Variants in WWP2 observed in about 807,000 individuals in gnomAD.
WWP2 encodes the protein NEDD4-like E3 ubiquitin-protein ligase WWP2.
In WWP2, 57 loss-of-function variants were observed where a neutral mutation model predicts 121.0. That is an observed-to-expected ratio of 0.47 (90% CI 0.38 to 0.59). WWP2 has a LOEUF of 0.59. Ranked by LOEUF, WWP2 falls within the 20% of genes least tolerant of loss-of-function variation. The pLI is 0.00. For missense variants in WWP2, 962 were observed against 1,158.9 expected (o/e 0.83, Z 2.47); for synonymous variants, 449 against 441.3 (o/e 1.02, Z -0.22).
intron 9 of WWP2, among the ~76,000 whole-genome samples, chr16:69,916,815 G>T (rs2058485646): frequency 6.6e-6 from 1 of 152,104 alleles, no homozygotes; most frequent in Non-Finnish European, 1.5e-5. Flanking sequence ...ACTGACTGTG[G>T]GTCCTAGGAA....
In WWP2 at chr16:69,792,718, G is replaced by A. The variant is rs2055939320; in HGVS notation, c.70+5638G>A. Among the ~76,000 whole-genome samples, 3 of 152,236 alleles carry A rather than the reference G, an allele frequency of 2.0e-5. No homozygotes were observed. The South Asian group carries it at 6.2e-4, about 32-fold the overall frequency. On this transcript the variant is annotated intron_variant, in intron 2 of 23. Transcript: ENST00000359154. ...GTATTCTTCTTTCTTTTGAGTCAGG[G>A]TCTCACTCTGTCACCTAGGCTAGAG...
At position 69,787,040 on chromosome 16, in the gene WWP2, A is replaced by G; in HGVS notation, c.30A>G (p.Gly10=). The G allele has an allele frequency of 5.0e-6, 8 of 1,613,418 alleles. No individual in the cohort carries two copies. The highest frequency in any genetic ancestry group is 6.8e-6 in the Non-Finnish European group (8 of 1,179,744). MASASSSRA[G]VALPFEKSQL... The stretch of plus-strand genomic sequence containing the variant: ...CATCTGCCAGCTCTAGCCGGGCAGG[A>G]GTGGCCCTGCCTTTTGAGAAGTCTC... Residue 10 remains glycine (G), a synonymous_variant, in exon 2 of 24, where the codon GGA becomes GGG. Coordinates refer to ENST00000359154, the MANE Select transcript of WWP2 (RefSeq NM_001270454.2).
intron 6 of WWP2, among the ~76,000 whole-genome samples, chr16:69,857,754 C>G (rs13329693): frequency 0.025 from 3,714 of 150,830 alleles, 138 homozygotes; most frequent in African/African-American, 0.084. Flanking sequence ...CTCGACCTCC[C>G]AGGCTCAAGT....
rs116492386 is a variant in WWP2, at chr16:69,765,751, G to T, written c.-16+3360G>T. 5.6e-3 allele frequency among the ~76,000 whole-genome samples: 850 copies of T among 152,270 alleles called. 7 individuals carry two copies. The highest frequency in any genetic ancestry group is 0.019 in the African/African-American group (797 of 41,544). On this transcript the variant is annotated intron_variant, in intron 1 of 23. Coordinates refer to ENST00000359154, the MANE Select transcript of WWP2 (RefSeq NM_001270454.2). The stretch of plus-strand genomic sequence containing the variant: ...AGGCACGAGAATTGCTTGAGCTCGG[G>T]AGATGGAGGTTGCAGTGAACCAAGA...
chr16:69,815,865 C>G lies in WWP2; in HGVS notation c.340+16570C>G, dbSNP rs559762200. Among the ~76,000 whole-genome samples the G allele has an allele frequency of 1.1e-4, 17 of 151,466 alleles. 1 individual carries two copies. Among genetic ancestry groups the G allele is most frequent in the Non-Finnish European group, 2.5e-4 (17 of 67,932 alleles). ...AACACATGTTCCCAATTTCCTTTCT[C>G]TGCTTTATTTTCTTTCTGAGTAGCT... On this transcript the variant is annotated intron_variant, in intron 4 of 23. Coordinates refer to ENST00000359154, the MANE Select transcript of WWP2 (RefSeq NM_001270454.2).
chr16:69,936,052 A>C, intron 18 of WWP2, 66 bp downstream of exon 18: 1 of 1,582,864 alleles, frequency 6.3e-7, no homozygotes, highest in East Asian at 2.2e-5. Flanking sequence ...GGAAGCAGGT[A>C]CTGATGGCCT....
chr16:69,936,132 C>T, intron 18 of WWP2, 146 bp downstream of exon 18: 1 of 1,445,456 alleles, frequency 6.9e-7, no homozygotes, highest in South Asian at 1.4e-5. Context: ...AGAGGAATGT[C>T]CTCTGGGTTC....
chr16:69,900,505 T>C (rs1433110031), intron 8 of WWP2, among the ~76,000 whole-genome samples: 2 of 151,550 alleles, frequency 1.3e-5, no homozygotes, highest in East Asian at 3.9e-4. Context: ...TATAGATGCA[T>C]ATATTTTAAT....
rs368368822 is a variant in WWP2 at position 69,786,987 on chromosome 16, G to A, written c.-15-9G>A. 9 of 1,597,266 alleles carry A rather than the reference G, an allele frequency of 5.6e-6. No individual in the cohort carries two copies. The highest frequency in any genetic ancestry group is 7.7e-6 in the Non-Finnish European group (9 of 1,172,816). On this transcript the variant is annotated splice_polypyrimidine_tract_variant and intron_variant, in intron 1 of 23. Transcript: ENST00000359154. ...ATTCTCTGAATTCTTTTTTCTGTTT[G>A]TCTTACAGCTTCACGGTGATGATAT...
At chr16:69,880,412 T>C (rs190076694) in intron 7 of WWP2, among the ~76,000 whole-genome samples, 28 of 152,218 alleles carry the variant, frequency 1.8e-4, no homozygotes, top group African/African-American at 6.7e-4. Flanking sequence ...TAGTTTTGCC[T>C]TTTTTTCCTC....
intron 1 of WWP2, among the ~76,000 whole-genome samples, chr16:69,786,587 A>T (rs1463658419): frequency 6.7e-6 from 1 of 150,308 alleles, no homozygotes; most frequent in Non-Finnish European, 1.5e-5. Flanking sequence ...AGTTGCTGGG[A>T]TTACAGGCAT....
At chr16:69,922,784 G>A (rs1475778352) in intron 10 of WWP2, among the ~76,000 whole-genome samples, 1 of 152,136 alleles carries the variant, frequency 6.6e-6, no homozygotes, top group East Asian at 1.9e-4. Flanking sequence ...ATCCAAAATC[G>A]TCAAGTGCTT....
intron 1 of WWP2, among the ~76,000 whole-genome samples, chr16:69,779,705 AAG>A (rs373546683): frequency 9.9e-5 from 15 of 152,238 alleles, no homozygotes; most frequent in African/African-American, 3.6e-4. Context: ...TTAGGAAAGA[AAG>A]AGTCCCAATA....
intron 8 of WWP2, among the ~76,000 whole-genome samples, chr16:69,899,813 G>A (rs1268861010): frequency 6.7e-6 from 1 of 149,452 alleles, no homozygotes. Flanking sequence ...TTTTTTCTTA[G>A]TGTTATGTTT....
At chr16:69,820,487 A>T (rs2056572659) in intron 4 of WWP2, among the ~76,000 whole-genome samples, 1 of 80,370 alleles carries the variant, frequency 1.2e-5, no homozygotes, top group African/African-American at 3.0e-5. Context: ...TAAGTGATCC[A>T]CCCACCTCAG....
At chr16:69,936,998 T>C in intron 19 of WWP2, 120 bp from the exon 20 acceptor site, 2 of 1,361,440 alleles carry the variant, frequency 1.5e-6, no homozygotes, top group South Asian at 1.5e-5. Flanking sequence ...TGGGTCTGGG[T>C]GTGCGAAGTG....
At chr16:69,909,671 G>A in intron 9 of WWP2, 1 of 985,288 alleles carries the variant, frequency 1.0e-6, no homozygotes. Flanking sequence ...GAAGTCAAAT[G>A]AAGTTACCAA....
At chr16:69,780,801 C>T (rs1410897933) in intron 1 of WWP2, among the ~76,000 whole-genome samples, 1 of 152,020 alleles carries the variant, frequency 6.6e-6, no homozygotes, top group Non-Finnish European at 1.5e-5. Context: ...GCCAGGAGTT[C>T]AAGACTGGCC....
intron 8 of WWP2, among the ~76,000 whole-genome samples, chr16:69,899,487 C>T (rs60949042): frequency 0.037 from 5,674 of 151,988 alleles, 297 homozygotes; most frequent in African/African-American, 0.12. Context: ...CCCAGCACTT[C>T]GCGAGGCCGA....
Sources: gnomAD v4.1 joint callset for allele counts (sites outside exome capture counted in the v4.1 genomes callset) on GRCh38, gnomAD v4.1.1 for gene constraint, MANE v1.5 for transcripts, NCBI Gene and HGNC (gene_info 2026-07-23, HGNC 2026-07-21) for gene names.